Variants in ECHDC2 observed in about 807,000 individuals in gnomAD.
ECHDC2 encodes the protein enoyl-CoA hydratase domain-containing protein 2, mitochondrial.
In ECHDC2, 34 loss-of-function variants were observed where a neutral mutation model predicts 40.6. The observed-to-expected ratio is 0.84, with a 90% CI of 0.64 to 1.11. The LOEUF (loss-of-function observed/expected upper bound fraction) is 1.11, where lower values mean the gene tolerates loss of function less well. Ranked by LOEUF, ECHDC2 falls within the 50% of genes most tolerant of loss-of-function variation. ECHDC2 has a pLI of 0.00. For missense variants in ECHDC2, 392 were observed against 400.7 expected (o/e 0.98, Z 0.19); for synonymous variants, 162 against 166.6 (o/e 0.97, Z 0.21).
At chr1:52,916,937 A>G (rs72897371) in intron 1 of ECHDC2, among the ~76,000 whole-genome samples, 7,884 of 152,248 alleles carry the variant, frequency 0.052, 720 homozygotes, top group African/African-American at 0.18. Context: ...AGAAACCACT[A>G]GAAGGGCCAG....
At chr1:52,920,424 G>A in intron 1 of ECHDC2, 5 of 966,058 alleles carry the variant, frequency 5.2e-6, no homozygotes, top group Non-Finnish European at 6.4e-6. Flanking sequence ...CACGAAGGTG[G>A]CAAGAAGCCA....
At chr1:52,897,576 A>G (rs1165448909) in intron 8 of ECHDC2, 92 bp from the exon 9 acceptor site, 1 of 1,204,188 alleles carries the variant, frequency 8.3e-7, no homozygotes, top group Non-Finnish European at 1.2e-6. Flanking sequence ...ACAGACATCT[A>G]TATGAGCAGA....
At chr1:52,908,194 C>T (rs1407004401) in intron 3 of ECHDC2, among the ~76,000 whole-genome samples, 1 of 152,192 alleles carries the variant, frequency 6.6e-6, no homozygotes, top group Non-Finnish European at 1.5e-5. Context: ...TCAGAGGACA[C>T]TATCAATAGA....
intron 1 of ECHDC2, among the ~76,000 whole-genome samples, chr1:52,917,006 C>T (rs1650824197): frequency 1.3e-5 from 2 of 151,952 alleles, no homozygotes; most frequent in African/African-American, 4.8e-5. Flanking sequence ...GGTGGATCAC[C>T]TGAGTCAGGA....
chr1:52,901,552 CAG>C (rs1467804792), intron 7 of ECHDC2: 3 of 152,202 alleles, frequency 2.0e-5, no homozygotes, highest in African/African-American at 4.8e-5. Context: ...GCTACCCTAT[CAG>C]AGTGGTTTGT....
chr1:52,897,127 T>G (rs1646687705), intron 9 of ECHDC2: 3 of 463,812 alleles, frequency 6.5e-6, no homozygotes, highest in Admixed American at 3.3e-5. Flanking sequence ...AACTCCATCC[T>G]GAACTTTACA....
intron 7 of ECHDC2, among the ~76,000 whole-genome samples, chr1:52,903,831 T>C (rs1035102182): frequency 6.8e-4 from 103 of 151,556 alleles, no homozygotes; most frequent in African/African-American, 2.5e-3. Context: ...CTTTTTTTTT[T>C]TTTTTTGAGA....
chr1:52,908,904 C>A (rs997090455), intron 3 of ECHDC2, among the ~76,000 whole-genome samples: 1 of 137,600 alleles, frequency 7.3e-6, no homozygotes, highest in African/African-American at 2.8e-5. Flanking sequence ...TGTGCCACTG[C>A]GCTCCATCCT....
chr1:52,902,373 TCTCAAA>T (rs755795400), intron 7 of ECHDC2, among the ~76,000 whole-genome samples: 54 of 152,302 alleles, frequency 3.5e-4, no homozygotes, highest in Admixed American at 1.1e-3. Flanking sequence ...GCCAGGCTGG[TCTCAAA>T]CTCCTGGCAT....
At chr1:52,904,158 G>T (rs1647203553) in intron 7 of ECHDC2, among the ~76,000 whole-genome samples, 1 of 152,146 alleles carries the variant, frequency 6.6e-6, no homozygotes, top group South Asian at 2.1e-4. Context: ...CAGTATGGTA[G>T]GAAATATGGG....
chr1:52,897,787 C>T (rs1646732058), intron 8 of ECHDC2: 1 of 499,972 alleles, frequency 2.0e-6, no homozygotes, highest in Non-Finnish European at 3.6e-6. Flanking sequence ...TTGCTCCAGC[C>T]TCTAGGGCCC....
intron 5 of ECHDC2, chr1:52,906,292 A>G: frequency 1.6e-6 from 1 of 627,412 alleles, no homozygotes; most frequent in Admixed American, 2.1e-5. Flanking sequence ...TATTCCCAAA[A>G]TGAAGGAAGC....
At chr1:52,920,393 G>A in intron 1 of ECHDC2, 1 of 740,824 alleles carries the variant, frequency 1.3e-6, no homozygotes, top group East Asian at 2.7e-5. Flanking sequence ...TGGGGAAGGG[G>A]CGGCAGGCGC....
chr1:52,908,855 G>A (rs1196071490), intron 3 of ECHDC2, among the ~76,000 whole-genome samples: 2 of 150,186 alleles, frequency 1.3e-5, no homozygotes, highest in Non-Finnish European at 2.9e-5. Flanking sequence ...CAGGAGAATC[G>A]CGTGAGCCCA....
rs55836843 is a variant in ECHDC2 at position 52,921,543 on chromosome 1, G to A, written c.121+10C>T. On this transcript the variant is annotated intron_variant, in intron 1 of 9. Transcript: ENST00000371522. ...TCGCGTCATGCGCCGCCCCGGAACTGCACATTTACCTTGGTCCGGACCCGC... is the reference window on the plus strand; with the variant it reads ...TCGCGTCATGCGCCGCCCCGGAACTACACATTTACCTTGGTCCGGACCCGC... 0.033 allele frequency: 52,913 copies of A among 1,607,976 alleles called. 1,413 individuals carry two copies. The highest frequency in any genetic ancestry group is 0.12 in the African/African-American group (9,256 of 74,758).
intron 7 of ECHDC2, among the ~76,000 whole-genome samples, chr1:52,902,972 T>G (rs1647083074): frequency 3.9e-5 from 6 of 152,314 alleles, no homozygotes; most frequent in Admixed American, 3.9e-4. Context: ...ACAAATTTAT[T>G]ATAAATTAGT....
chr1:52,897,684 C>A, intron 8 of ECHDC2, 200 bp from the exon 9 acceptor site: 1 of 632,120 alleles, frequency 1.6e-6, no homozygotes, highest in Non-Finnish European at 2.9e-6. Context: ...GACATTTTGC[C>A]AGAGAAGAGG....
Position 52,896,582 on chromosome 1 carries a change from C to T in ECHDC2, c.817G>A (p.Asp273Asn), listed in dbSNP as rs781645607. 2 of 1,614,028 alleles carry T rather than the reference C, an allele frequency of 1.2e-6. No individual in the cohort carries two copies. The highest frequency in any genetic ancestry group is 1.7e-6 in the Non-Finnish European group (2 of 1,179,966). Reference sequence around the variant, plus strand: ...AAGGCTGCCATGCCCTCTAGCCGGTCCCGGGTTGGAATATTCTGCAACAAG... The same window carrying T: ...AAGGCTGCCATGCCCTCTAGCCGGTTCCGGGTTGGAATATTCTGCAACAAG... ...MCYAQNIPTR[D>N]RLEGMAAFRE... The change falls in exon 10 of 10, where the codon GAC becomes AAC. Residue 273 changes from aspartate to asparagine, a missense_variant. Coordinates refer to ENST00000371522, the MANE Select transcript of ECHDC2 (RefSeq NM_001198961.2).
intron 1 of ECHDC2, chr1:52,915,068 T>C (rs1650379875): frequency 2.7e-6 from 1 of 371,010 alleles, no homozygotes; most frequent in African/African-American, 2.1e-5. Context: ...CTGGCCCCAA[T>C]TCACCCCCGC....
Sources: allele counts gnomAD v4.1 joint callset (sites outside exome capture counted in the v4.1 genomes callset), GRCh38; gene constraint gnomAD v4.1.1; transcripts MANE v1.5; gene names NCBI Gene and HGNC (gene_info 2026-07-23, HGNC 2026-07-21).